Variants in BMERB1 observed in about 807,000 individuals in gnomAD.
BMERB1 encodes the protein bMERB domain containing 1.
Under a neutral mutation model 23.6 loss-of-function variants are expected in BMERB1, and 12 were observed. The ratio of observed to expected loss-of-function variants is 0.51; its 90% CI spans 0.33 to 0.82. BMERB1 has a LOEUF of 0.82. Ranked by LOEUF, BMERB1 falls within the 40% of genes least tolerant of loss-of-function variation. BMERB1 has a pLI of 0.03. For missense variants in BMERB1, 247 were observed against 255.4 expected (o/e 0.97, Z 0.22); for synonymous variants, 122 against 96.6 (o/e 1.26, Z -1.54).
chr16:15,497,494 T>C (rs2150941732), intron 1 of BMERB1, among the ~76,000 whole-genome samples: 1 of 152,294 alleles, frequency 6.6e-6, no homozygotes, highest in African/African-American at 2.4e-5. Context: ...ATTTCTATGT[T>C]TATCAAGAAA....
intron 2 of BMERB1, among the ~76,000 whole-genome samples, chr16:15,549,961 T>C (rs1033274964): frequency 6.6e-6 from 1 of 152,180 alleles, no homozygotes; most frequent in Non-Finnish European, 1.5e-5. Flanking sequence ...AGCACGTTTT[T>C]TTTTTTGAGA....
chr16:15,449,404 A>G (rs1856833895), intron 1 of BMERB1, among the ~76,000 whole-genome samples: 1 of 152,066 alleles, frequency 6.6e-6, no homozygotes, highest in African/African-American at 2.4e-5. Context: ...TTGAAACACT[A>G]CCTGTTAGGT....
intron 3 of BMERB1, among the ~76,000 whole-genome samples, chr16:15,578,324 A>C (rs2030923886): frequency 6.7e-6 from 1 of 149,894 alleles, no homozygotes; most frequent in Non-Finnish European, 1.5e-5. Context: ...TCAGCCTCCC[A>C]AGTAGCTGGG....
At chr16:15,470,726 A>T (rs765014407) in intron 1 of BMERB1, among the ~76,000 whole-genome samples, 1 of 148,154 alleles carries the variant, frequency 6.7e-6, no homozygotes, top group Non-Finnish European at 1.5e-5. Flanking sequence ...GGGTTTCACC[A>T]TGTTGGCCAA....
intron 1 of BMERB1, among the ~76,000 whole-genome samples, chr16:15,513,160 A>G (rs1370902931): frequency 6.6e-6 from 1 of 152,090 alleles, no homozygotes; most frequent in African/African-American, 2.4e-5. Context: ...TCAGCCATTC[A>G]CCCTAGAAAC....
intron 3 of BMERB1, among the ~76,000 whole-genome samples, chr16:15,575,743 G>A (rs916561010): frequency 2.0e-5 from 3 of 152,092 alleles, no homozygotes; most frequent in African/African-American, 4.8e-5. Context: ...GAGGTTTCCC[G>A]TTGGCTACTT....
intron 1 of BMERB1, among the ~76,000 whole-genome samples, chr16:15,512,828 G>A (rs1052827835): frequency 3.3e-5 from 5 of 151,364 alleles, no homozygotes; most frequent in East Asian, 1.9e-4. Context: ...GCAGTGAGCC[G>A]ATATTGTGCC....
chr16:15,562,606 A>AG (rs1172197009), intron 2 of BMERB1, among the ~76,000 whole-genome samples: 2 of 152,110 alleles, frequency 1.3e-5, no homozygotes, highest in African/African-American at 4.8e-5. Flanking sequence ...GATGTTTAGC[A>AG]GTGTCCCTGG....
chr16:15,538,311 G>A (rs2052045273), intron 2 of BMERB1, among the ~76,000 whole-genome samples: 1 of 152,084 alleles, frequency 6.6e-6, no homozygotes. Context: ...AAATTAACTG[G>A]GCATGGTGGT....
intron 2 of BMERB1, among the ~76,000 whole-genome samples, chr16:15,526,247 G>A (rs573838590): frequency 3.3e-5 from 5 of 152,104 alleles, no homozygotes; most frequent in Admixed American, 6.5e-5. Flanking sequence ...TAACTGCCTC[G>A]TTTGTGGTCT....
At chr16:15,484,802 G>A (rs987447909) in intron 1 of BMERB1, among the ~76,000 whole-genome samples, 1 of 152,120 alleles carries the variant, frequency 6.6e-6, no homozygotes, top group African/African-American at 2.4e-5. Flanking sequence ...TCACAGTCTT[G>A]TGCAACCATC....
chr16:15,484,947 G>A (rs142002185), intron 1 of BMERB1, among the ~76,000 whole-genome samples: 4 of 152,274 alleles, frequency 2.6e-5, no homozygotes, highest in African/African-American at 4.8e-5. Context: ...GGGATCAAAT[G>A]CCATCAGTAG....
At chr16:15,448,399 A>G (rs754622802) in intron 1 of BMERB1, among the ~76,000 whole-genome samples, 30 of 152,178 alleles carry the variant, frequency 2.0e-4, no homozygotes, top group Non-Finnish European at 3.7e-4. Flanking sequence ...GGAGAAACCC[A>G]TAGTAGTTAT....
At chr16:15,502,173 A>T in intron 1 of BMERB1, 1 of 940,312 alleles carries the variant, frequency 1.1e-6, no homozygotes, top group Non-Finnish European at 1.6e-6. Flanking sequence ...CGTCCTCCTG[A>T]ATTACTTTTG....
chr16:15,522,391 G>A (rs956079392), intron 2 of BMERB1, among the ~76,000 whole-genome samples: 57 of 152,224 alleles, frequency 3.7e-4, no homozygotes, highest in Non-Finnish European at 4.4e-5. Flanking sequence ...ACCTGGCAGA[G>A]ATTCAAAATG....
At chr16:15,568,430 G>T (rs1453470588) in intron 3 of BMERB1, among the ~76,000 whole-genome samples, 1 of 152,048 alleles carries the variant, frequency 6.6e-6, no homozygotes, top group Non-Finnish European at 1.5e-5. Context: ...TTGAGGTCAG[G>T]AGTTTGAGGC....
intron 1 of BMERB1, among the ~76,000 whole-genome samples, chr16:15,480,705 C>T (rs1001260170): frequency 4.6e-5 from 7 of 150,706 alleles, no homozygotes; most frequent in African/African-American, 1.7e-4. Flanking sequence ...CCTCCGTCTC[C>T]CAGGTTCAAG....
intron 1 of BMERB1, among the ~76,000 whole-genome samples, chr16:15,486,971 G>C (rs2051374245): frequency 6.6e-6 from 1 of 152,116 alleles, no homozygotes. Flanking sequence ...CTGGCAAATA[G>C]TAAAGATTTA....
chr16:15,537,973 G>A (rs1361017722), intron 2 of BMERB1, among the ~76,000 whole-genome samples: 1 of 152,144 alleles, frequency 6.6e-6, no homozygotes, highest in African/African-American at 2.4e-5. Context: ...ATTCTTAAAT[G>A]TCTGCCACCT....
Sources: allele counts gnomAD v4.1 joint callset (sites outside exome capture counted in the v4.1 genomes callset), GRCh38; gene constraint gnomAD v4.1.1; transcripts MANE v1.5; gene names NCBI Gene and HGNC (gene_info 2026-07-23, HGNC 2026-07-21).